The following CDC23 variants were observed in gnomAD, a reference collection of about 807,000 sequenced individuals.
CDC23 encodes the protein cell division cycle 23.
CDC23 carries 26 observed loss-of-function variants against 81.7 expected under a neutral mutation model. The ratio of observed to expected loss-of-function variants is 0.32; its 90% CI spans 0.23 to 0.44. The LOEUF is 0.44. Ranked by LOEUF, CDC23 falls within the 20% of genes least tolerant of loss-of-function variation. The pLI is 1.00. For synonymous variants in CDC23, 267 were observed against 270.8 expected (o/e 0.99, Z 0.14); for missense variants, 519 against 728.0 (o/e 0.71, Z 3.30).
At chr5:138,203,207 CA>C (rs1399137782) in intron 3 of CDC23, among the ~76,000 whole-genome samples, 1 of 152,152 alleles carries the variant, frequency 6.6e-6, no homozygotes, top group African/African-American at 2.4e-5. Flanking sequence ...GAAAAGAAGT[CA>C]AACCCACAGA....
intron 12 of CDC23, 143 bp downstream of exon 12, chr5:138,191,719 G>A (rs1035418233): frequency 1.1e-6 from 1 of 920,750 alleles, no homozygotes. Context: ...GCCCAGCTTT[G>A]CTTTCAGACT....
intron 3 of CDC23, among the ~76,000 whole-genome samples, chr5:138,203,150 G>GA (rs1476490650): frequency 6.6e-6 from 1 of 151,996 alleles, no homozygotes; most frequent in African/African-American, 2.4e-5. Flanking sequence ...AAGAATATGT[G>GA]AAAAAAGGAG....
intron 2 of CDC23, among the ~76,000 whole-genome samples, chr5:138,211,794 CCT>C (rs1290662916): frequency 6.6e-6 from 1 of 152,124 alleles, no homozygotes; most frequent in Non-Finnish European, 1.5e-5. Context: ...ACAAGTAACC[CCT>C]GAATCTAAAA....
chr5:138,195,576 AATAT>A (rs1255001568), intron 9 of CDC23, among the ~76,000 whole-genome samples: 2 of 58,348 alleles, frequency 3.4e-5, no homozygotes, highest in Non-Finnish European at 7.8e-5. Context: ...ATTTATATAT[AATAT>A]ATTATATATA....
chr5:138,195,712 TAATA>T (rs531152876), intron 9 of CDC23, among the ~76,000 whole-genome samples: 729 of 65,526 alleles, frequency 0.011, 7 homozygotes, highest in African/African-American at 0.033. Context: ...TATATACATA[TAATA>T]TATATGTATA....
At chr5:138,192,204 A>G (rs1754834224) in intron 11 of CDC23, 65 bp downstream of exon 11, 3 of 1,596,604 alleles carry the variant, frequency 1.9e-6, no homozygotes, top group Non-Finnish European at 2.6e-6. Context: ...AATAGCTATC[A>G]AAAGAGGAAA....
chr5:138,194,071 A>G (rs1362247357), intron 9 of CDC23, among the ~76,000 whole-genome samples: 1 of 152,226 alleles, frequency 6.6e-6, no homozygotes, highest in Admixed American at 6.5e-5. Flanking sequence ...TGAAGAAAGT[A>G]TAAGAGCCAT....
In CDC23 at chr5:138,198,792, GGAGA is replaced by G; in HGVS notation, c.655-14_655-11del. The stretch of plus-strand genomic sequence containing the variant: ...AAGACAGGAACTTCAGCTGGCAGCA[GGAGA>G]GAGAGGGACACACTTAATATAACTT... On this transcript the variant is annotated splice_polypyrimidine_tract_variant and intron_variant, in intron 6 of 15. Transcript: ENST00000394886. The G allele has an allele frequency of 6.2e-7, 1 of 1,612,300 alleles. No homozygotes were observed. Among genetic ancestry groups the G allele is most frequent in the Admixed American group, 1.7e-5 (1 of 59,732 alleles).
Position 138,198,460 on chromosome 5 carries a change from T to G in CDC23, c.896A>C (p.Asn299Thr), listed in dbSNP as rs547750530. The G allele has an allele frequency of 6.2e-7, 1 of 1,614,140 alleles. No individual in the cohort carries two copies. Among genetic ancestry groups the G allele is most frequent in the South Asian group, 1.1e-5 (1 of 91,062 alleles). Residue 299 changes from asparagine (N) to threonine (T), a missense_variant, in exon 8 of 16, where the codon AAT (asparagine) becomes ACT (threonine). Asn to Thr is a moderately conservative substitution (Grantham distance 65). Around this residue, in one of 4 missense-constraint regions of CDC23, gnomAD observed 175 missense variants for 337.8 expected, o/e 0.52. Transcript: ENST00000394886. ...AAGAAGGTTGGAGAATGTGTCCATA[T>G]TTTCAATCCTGTAAGGGTCTTGTTT... Reference protein sequence around the residue: ...LRKQDPYRIENMDTFSNLLYV... With the variant: ...LRKQDPYRIETMDTFSNLLYV...
chr5:138,192,408 G>T lies in CDC23; in HGVS notation c.1167-20C>A, dbSNP rs753505925. The T allele has an allele frequency of 6.2e-7, 1 of 1,614,158 alleles. No homozygotes were observed. The highest frequency in any genetic ancestry group is 8.5e-7 in the Non-Finnish European group (1 of 1,180,032). ...GCATGTCTAAGAAATGGAAAAGACA[G>T]GTTGTTAAGAAGGCAGAATCAAGGT... On this transcript the variant is annotated intron_variant, in intron 10 of 15. Transcript: ENST00000394886.
chr5:138,194,911 AG>A (rs1754867578), intron 9 of CDC23, among the ~76,000 whole-genome samples: 1 of 151,626 alleles, frequency 6.6e-6, no homozygotes, highest in Non-Finnish European at 1.5e-5. Flanking sequence ...TAGTAGTGAC[AG>A]GGTTTCACCA....
chr5:138,188,983 G>T lies in CDC23; in HGVS notation c.1789C>A (p.Pro597Thr), dbSNP rs778019049. 1 of 1,613,814 alleles carries T rather than the reference G, an allele frequency of 6.2e-7. No individual in the cohort carries two copies. Among genetic ancestry groups the T allele is most frequent in the Non-Finnish European group, 8.5e-7 (1 of 1,179,820 alleles). ...GCTGGCTTGAGAGTAGCCAACTATG[G>T]CGTGACAGAAGACAAGTTGAGTGGA... ...VSPLNLSSVT[P>T] Residue 597 changes from proline to threonine, a missense_variant, in exon 16 of 16, where the codon CCA (proline) becomes ACA (threonine). By Grantham distance (38) the Pro-to-Thr change is conservative. This residue lies in a region of CDC23 where 38 missense variants were observed against 34.7 expected (regional missense o/e 1.10). Transcript: ENST00000394886.
chr5:138,188,962 G>C lies in CDC23; in HGVS notation c.*16C>G. The C allele has an allele frequency of 1.2e-6, 2 of 1,612,330 alleles. No homozygotes were observed. Among genetic ancestry groups the C allele is most frequent in the Non-Finnish European group, 8.5e-7 (1 of 1,178,848 alleles). On this transcript the variant is annotated 3_prime_UTR_variant, in exon 16 of 16. Transcript: ENST00000394886. ...TTAAGATGGGTCTAACAATGTGCTGGCTTGAGAGTAGCCAACTATGGCGTG... is the reference window on the plus strand; with the variant it reads ...TTAAGATGGGTCTAACAATGTGCTGCCTTGAGAGTAGCCAACTATGGCGTG...
At chr5:138,197,588 C>T (rs951285358) in intron 9 of CDC23, among the ~76,000 whole-genome samples, 1 of 150,564 alleles carries the variant, frequency 6.6e-6, no homozygotes, top group Non-Finnish European at 1.5e-5. Flanking sequence ...CCTCCACCTC[C>T]CGGGTTCATG....
At position 138,189,154 on chromosome 5, in the gene CDC23, A is replaced by G. The variant is rs1323068197; in HGVS notation, c.1624-6T>C. ...GCCTTACCTTCTTCCCGGGTCTGCA[A>G]CAAAGTCAGGGAAATGTTTCAAAAC... On this transcript the variant is annotated splice_polypyrimidine_tract_variant and splice_region_variant and intron_variant, in intron 15 of 15. Coordinates refer to ENST00000394886, the MANE Select transcript of CDC23 (RefSeq NM_004661.4). 3.7e-6 allele frequency: 6 copies of G among 1,611,740 alleles called. No individual in the cohort carries two copies. The highest frequency in any genetic ancestry group is 4.5e-5 in the East Asian group (2 of 44,860).
intron 9 of CDC23, among the ~76,000 whole-genome samples, chr5:138,194,122 T>A (rs1020049709): frequency 1.3e-5 from 2 of 152,154 alleles, no homozygotes; most frequent in Admixed American, 6.5e-5. Flanking sequence ...ATGTGGCATA[T>A]CCAAACATGG....
At chr5:138,209,699 C>G (rs570804053) in intron 2 of CDC23, among the ~76,000 whole-genome samples, 1 of 150,540 alleles carries the variant, frequency 6.6e-6, no homozygotes, top group African/African-American at 2.4e-5. Flanking sequence ...GTGGCACATT[C>G]GGTAATCCCG....
At chr5:138,207,539 C>T (rs889626845) in intron 2 of CDC23, among the ~76,000 whole-genome samples, 7 of 152,124 alleles carry the variant, frequency 4.6e-5, no homozygotes, top group African/African-American at 1.2e-4. Flanking sequence ...ATGCAATGTA[C>T]GTGCAATTAC....
rs1383146807 is a variant in CDC23 at position 138,213,290 on chromosome 5, A to G, written c.23T>C (p.Val8Ala). The change falls in exon 1 of 16, where the codon GTC (valine) becomes GCC (alanine). Residue 8 changes from valine (V) to alanine (A), a missense_variant. Coordinates refer to ENST00000394886, the MANE Select transcript of CDC23 (RefSeq NM_004661.4). ...CACTGCCGCCGTCACAGCCACCGGG[A>G]CCATGGAGGTACTCGCAGCCATTTT... MAASTSM[V>A]PVAVTAAVAP... 1.2e-6 allele frequency: 2 copies of G among 1,613,684 alleles called. No individual in the cohort carries two copies. Among genetic ancestry groups the G allele is most frequent in the African/African-American group, 1.3e-5 (1 of 74,874 alleles).
Sources: gnomAD v4.1 joint callset for allele counts (sites outside exome capture counted in the v4.1 genomes callset) on GRCh38, gnomAD v4.1.1 for gene constraint, gnomAD v4.1.1 regional missense constraint, MANE v1.5 for transcripts, NCBI Gene and HGNC (gene_info 2026-07-23, HGNC 2026-07-21) for gene names.